VPS35: variants seen among roughly 807,000 people sequenced by gnomAD.
VPS35 encodes vacuolar protein sorting-associated protein 35.
VPS35 carries 21 observed loss-of-function variants against 98.1 expected under a neutral mutation model. That is an observed-to-expected ratio of 0.21 (90% confidence interval 0.15 to 0.31). The LOEUF (loss-of-function observed/expected upper bound fraction) is 0.31. VPS35 is among the 10% of genes least tolerant of loss of function. The pLI is 1.00. For synonymous variants in VPS35, 268 were observed against 318.2 expected (o/e 0.84, Z 1.68); for missense variants, 554 against 950.8 (o/e 0.58, Z 5.49).
intron 16 of VPS35, 169 bp from the exon 17 acceptor site, chr16:46,660,820 C>CCAAA: frequency 2.9e-6 from 1 of 339,682 alleles, no homozygotes. Flanking sequence ...TACTGACTAT[C>CCAAA]AAAAAAAAAA....
intron 12 of VPS35, among the ~76,000 whole-genome samples, chr16:46,671,250 TATAAGA>T (rs1966064289): frequency 6.6e-6 from 1 of 152,112 alleles, no homozygotes; most frequent in Non-Finnish European, 1.5e-5. Flanking sequence ...TAAAATTAAA[TATAAGA>T]ATTGTATTTC....
rs1048064410 is a variant in VPS35 at position 46,660,522 on chromosome 16, G to A, written c.2341C>T (p.Arg781Trp). ...GGCCCCTCGGATTCTGGTGATTCCC[G>A]CCGCAAGCGCAAATGCTCCAGTGTG... The part of the protein sequence containing the change: ...HNTLEHLRLR[R>W]ESPESEGPIY... The change falls in exon 17 of 17, where the codon CGG (arginine) becomes TGG (tryptophan). Residue 781 changes from arginine (R) to tryptophan (W), a missense_variant. Arg to Trp is a moderately radical substitution (Grantham distance 101). Around this residue, in one of 5 missense-constraint regions of VPS35, gnomAD observed 153 missense variants for 211.0 expected, o/e 0.73. Transcript: ENST00000299138. The A allele has an allele frequency of 9.3e-6, 15 of 1,613,754 alleles. No individual in the cohort carries two copies. The highest frequency in any genetic ancestry group is 2.2e-5 in the East Asian group (1 of 44,876).
At chr16:46,679,278 C>A in intron 5 of VPS35, 122 bp from the exon 6 acceptor site, 1 of 919,302 alleles carries the variant, frequency 1.1e-6, no homozygotes, top group Non-Finnish European at 1.7e-6. Context: ...AAATCACTTT[C>A]AACTTCATTG....
chr16:46,686,418 T>A (rs555314370), intron 1 of VPS35, among the ~76,000 whole-genome samples: 3 of 152,294 alleles, frequency 2.0e-5, no homozygotes, highest in African/African-American at 7.2e-5. Flanking sequence ...CTAGAAAGAT[T>A]TAGAGATGTG....
intron 5 of VPS35, among the ~76,000 whole-genome samples, chr16:46,680,297 A>G (rs1040702259): frequency 6.6e-6 from 1 of 152,266 alleles, no homozygotes; most frequent in Non-Finnish European, 1.5e-5. Flanking sequence ...AAACTGATAG[A>G]CACTAAAGGA....
In VPS35 at chr16:46,669,050, A is replaced by G; in HGVS notation, c.1527T>C (p.Ile509=). Reference sequence around the variant, plus strand: ...CAAAATGTTTTCGTGCTGTGTTCAAAATCTGACCCAAAAGCATTAAAGAAA... The same window carrying G: ...CAAAATGTTTTCGTGCTGTGTTCAAGATCTGACCCAAAAGCATTAAAGAAA... ...RSEDPDQQYL[I]LNTARKHFGA... Residue 509 remains isoleucine (I), a splice_region_variant and synonymous_variant, in exon 13 of 17, where the codon ATT becomes ATC. Transcript: ENST00000299138. 6.2e-7 allele frequency: 1 copy of G among 1,614,110 alleles called. No individual in the cohort carries two copies. Among genetic ancestry groups the G allele is most frequent in the Non-Finnish European group, 8.5e-7 (1 of 1,179,998 alleles).
At chr16:46,685,468 T>C (rs1371904498) in intron 1 of VPS35, among the ~76,000 whole-genome samples, 3 of 152,194 alleles carry the variant, frequency 2.0e-5, no homozygotes, top group Admixed American at 2.0e-4. Flanking sequence ...TCCCTTTTTT[T>C]CCCTATGAAA....
chr16:46,675,651 T>C (rs1966137599), intron 8 of VPS35, among the ~76,000 whole-genome samples: 1 of 152,208 alleles, frequency 6.6e-6, no homozygotes, highest in African/African-American at 2.4e-5. Context: ...AACTTAGTTT[T>C]TTAAAAAACA....
chr16:46,661,473 G>C lies in VPS35; in HGVS notation c.2211+245C>G. 2 of 380,988 alleles carry C rather than the reference G, an allele frequency of 5.2e-6. No individual in the cohort carries two copies. Among genetic ancestry groups the C allele is most frequent in the South Asian group, 4.6e-5 (2 of 43,800 alleles). 23.6% of individuals were successfully genotyped at this position (380,988 alleles called of 1,614,324 possible). ...TCAAACTCCTGACCTCAGGTGATCT[G>C]CCTGCCTCAGCCTCCCAAAGTGCTG... is the stretch of plus-strand genomic sequence containing the variant. On this transcript the variant is annotated intron_variant, in intron 16 of 16. Transcript: ENST00000299138. This position sits in a 1 kb window ranked among gnomAD's most constrained non-coding sequence, Gnocchi z 4.3.
At chr16:46,662,625 C>A in intron 14 of VPS35, 143 bp from the exon 15 acceptor site, 1 of 1,326,870 alleles carries the variant, frequency 7.5e-7, no homozygotes, top group Non-Finnish European at 1.1e-6. Context: ...CTCTTGAGAG[C>A]CACAGGACAC....
At chr16:46,674,778 T>G (rs1966120211) in intron 8 of VPS35, 118 bp from the exon 9 acceptor site, 1 of 1,006,304 alleles carries the variant, frequency 9.9e-7, no homozygotes, top group Non-Finnish European at 1.5e-6. Flanking sequence ...CAAAAGGTTT[T>G]TGTTTTTTTT....
chr16:46,662,319 G>A lies in VPS35; in HGVS notation c.1991C>T (p.Pro664Leu). Residue 664 changes from proline to leucine, a missense_variant, in exon 15 of 17, where the codon CCT (proline) becomes CTT (leucine). Pro to Leu is a moderately conservative substitution (Grantham distance 98). This residue lies in a region of VPS35 where 153 missense variants were observed against 211.0 expected (regional missense o/e 0.73). Transcript: ENST00000299138. ...ALAASKLLKK[P>L]DQGRAVSTCA... ...GGTGCTCACAGCTCGGCCCTGATCA[G>A]GTTTCTTTAGAAGTTTGGATGCAGC... 1 of 1,614,176 alleles carries A rather than the reference G, an allele frequency of 6.2e-7. No individual in the cohort carries two copies. Among genetic ancestry groups the A allele is most frequent in the Non-Finnish European group, 8.5e-7 (1 of 1,180,044 alleles).
chr16:46,681,475 G>C lies in VPS35; in HGVS notation c.225C>G (p.His75Gln), dbSNP rs529522862. The C allele has an allele frequency of 6.2e-7, 1 of 1,613,170 alleles. No homozygotes were observed. Among genetic ancestry groups the C allele is most frequent in the African/African-American group, 1.3e-5 (1 of 74,990 alleles). ...ELYMAISDEL[H>Q]YLEVYLTDEF... ...CATCTGTCAGGTAGACCTCCAAGTA[G>C]TGCAGTTCATCAGAAATGGCCATAT... The change falls in exon 4 of 17, where the codon CAC (histidine) becomes CAG (glutamine). Residue 75 changes from histidine to glutamine, a missense_variant. Physicochemically the swap from His to Gln is conservative, Grantham distance 24. Coordinates refer to ENST00000299138, the MANE Select transcript of VPS35 (RefSeq NM_018206.6).
chr16:46,662,294 G>C lies in VPS35; in HGVS notation c.2016C>G (p.Thr672=). 6.2e-7 allele frequency: 1 copy of C among 1,614,156 alleles called. No homozygotes were observed. Among genetic ancestry groups the C allele is most frequent in the Non-Finnish European group, 8.5e-7 (1 of 1,180,042 alleles). Residue 672 remains threonine (T), a synonymous_variant, in exon 15 of 17, where the codon ACC becomes ACG. Coordinates refer to ENST00000299138, the MANE Select transcript of VPS35 (RefSeq NM_018206.6). ...KKPDQGRAVS[T]CAHLFWSGRN... ...TGCCAGACCAGAAGAGATGTGCACA[G>C]GTGCTCACAGCTCGGCCCTGATCAG...
intron 1 of VPS35, among the ~76,000 whole-genome samples, chr16:46,687,267 G>T (rs1596728215): frequency 6.6e-6 from 1 of 152,108 alleles, no homozygotes; most frequent in Non-Finnish European, 1.5e-5. Flanking sequence ...TTTTAAAAAT[G>T]ATGACATGGC....
At chr16:46,688,719 T>C in intron 1 of VPS35, 1 of 1,166,782 alleles carries the variant, frequency 8.6e-7, no homozygotes, top group Non-Finnish European at 1.1e-6. Context: ...ACGCAACATC[T>C]GGGCGGGTCC....
At chr16:46,677,461 T>TA in intron 6 of VPS35, 63 bp from the exon 7 acceptor site, 1 of 1,354,882 alleles carries the variant, frequency 7.4e-7, no homozygotes, top group Non-Finnish European at 1.1e-6. Context: ...GCTATTCCTC[T>TA]AGTAACGCAT....
At chr16:46,667,726 C>G (rs1966010312) in intron 13 of VPS35, among the ~76,000 whole-genome samples, 1 of 151,988 alleles carries the variant, frequency 6.6e-6, no homozygotes, top group South Asian at 2.1e-4. Context: ...CAAATGCGTT[C>G]TTTTGCATGT....
At chr16:46,663,711 T>C (rs1292378857) in intron 13 of VPS35, among the ~76,000 whole-genome samples, 1 of 141,850 alleles carries the variant, frequency 7.0e-6, no homozygotes, top group East Asian at 2.0e-4. Flanking sequence ...TTTTCTTTCC[T>C]TTTTTTTTTT....
Sources: gnomAD v4.1 joint callset for allele counts (sites outside exome capture counted in the v4.1 genomes callset) on GRCh38, gnomAD v4.1.1 for gene constraint, gnomAD v4.1.1 regional missense constraint, Gnocchi (gnomAD v3.1) non-coding constraint, MANE v1.5 for transcripts, NCBI Gene and HGNC (gene_info 2026-07-23, HGNC 2026-07-21) for gene names.